Variants in EP400 observed in about 807,000 individuals in gnomAD.
EP400 encodes E1A-binding protein p400.
Under a neutral mutation model 354.1 loss-of-function variants are expected in EP400, and 105 were observed. The observed-to-expected ratio is 0.30, with a 90% CI of 0.25 to 0.35. The LOEUF (loss-of-function observed/expected upper bound fraction) is 0.35, where lower values mean the gene tolerates loss of function less well. EP400 is among the 10% of genes least tolerant of loss of function. EP400 has a pLI of 1.00. For synonymous variants in EP400, 1,646 were observed against 1,716.9 expected (o/e 0.96, Z 1.02); for missense variants, 3,280 against 4,121.0 (o/e 0.80, Z 5.59).
rs2136467365 is a variant in EP400 at position 131,962,286 on chromosome 12, T to C, written c.1335+332T>C. The stretch of plus-strand genomic sequence containing the variant: ...CAAGCGTGTCCAGTTTTTTTCCCCT[T>C]GTATCTGGGTGTGTGGTTTGTTGGC... On this transcript the variant is annotated intron_variant, in intron 2 of 52. Transcript: ENST00000389561. Among the ~76,000 whole-genome samples the C allele has an allele frequency of 1.3e-5, 2 of 152,314 alleles. 1 individual carries two copies. The highest frequency in any genetic ancestry group is 4.1e-4 in the South Asian group (2 of 4,822).
At chr12:131,977,870 T>C (rs1892538199) in intron 2 of EP400, among the ~76,000 whole-genome samples, 1 of 152,216 alleles carries the variant, frequency 6.6e-6, no homozygotes, top group Non-Finnish European at 1.5e-5. Flanking sequence ...GGTGGCTGTG[T>C]GGTGGCCCTT....
intron 39 of EP400, among the ~76,000 whole-genome samples, chr12:132,048,394 A>G (rs1895181398): frequency 6.6e-6 from 1 of 152,222 alleles, no homozygotes; most frequent in Non-Finnish European, 1.5e-5. Context: ...TTCTTCTGCC[A>G]TGGCTTCGGC....
chr12:132,064,024 A>AC (rs61095317), intron 47 of EP400, among the ~76,000 whole-genome samples: 3,936 of 76,794 alleles, frequency 0.051, 221 homozygotes, highest in Admixed American at 0.13. Flanking sequence ...ACCACTGATG[A>AC]CCCCCCCCCG....
chr12:132,050,714 T>C lies in EP400; in HGVS notation c.7394+59T>C. The stretch of plus-strand genomic sequence containing the variant: ...TTGGAAGGATTTCATTCCAGTGTCA[T>C]CTAAGTTCAGTGAGTTCAGCAAATC... On this transcript the variant is annotated intron_variant, in intron 41 of 52. Coordinates refer to ENST00000389561, the MANE Select transcript of EP400 (RefSeq NM_015409.5). The surrounding 1 kb of genome is among the most constrained non-coding windows in gnomAD (Gnocchi z 4.8). 6.2e-7 allele frequency: 1 copy of C among 1,603,408 alleles called. No individual in the cohort carries two copies. The highest frequency in any genetic ancestry group is 8.5e-7 in the Non-Finnish European group (1 of 1,170,624).
rs534528271 is a variant in EP400 at position 131,989,426 on chromosome 12, G to A, written c.2410-538G>A. Among the ~76,000 whole-genome samples, 22 of 152,348 alleles carry A rather than the reference G, an allele frequency of 1.4e-4. No individual in the cohort carries two copies. In the South Asian group the frequency reaches 3.5e-3, roughly 24 times the overall value. ...GTGCATTTCCATCCCTAGAACGGGC[G>A]TGGGGGTGACAGCCATTGTGCTCTC... On this transcript the variant is annotated intron_variant, in intron 7 of 52. Transcript: ENST00000389561.
In EP400 at chr12:132,032,141, C is replaced by T. The variant is rs768335217; in HGVS notation, c.5943C>T (p.His1981=). 20 of 1,612,996 alleles carry T rather than the reference C, an allele frequency of 1.2e-5. No homozygotes were observed. In the Admixed American group the frequency reaches 3.3e-4, roughly 27 times the overall value. ...CDRIGRCKDI[H]IYRLVSGNSI... is the part of the protein sequence containing the mutation. ...GGATCGGGAGATGCAAAGACATCCA[C>T]ATATACAGGTGAGGGCCTGCGGGGG... The change falls in exon 30 of 53, where the codon CAC becomes CAT. Residue 1981 remains histidine, a synonymous_variant. Coordinates refer to ENST00000389561, the MANE Select transcript of EP400 (RefSeq NM_015409.5).
At chr12:132,041,352 AGC>A (rs1343251243) in intron 32 of EP400, among the ~76,000 whole-genome samples, 3 of 152,258 alleles carry the variant, frequency 2.0e-5, no homozygotes, top group Non-Finnish European at 2.9e-5. Context: ...AGCACCTGGT[AGC>A]CAGCATCTGG....
chr12:131,955,231 T>C (rs934637857), intron 1 of EP400, among the ~76,000 whole-genome samples: 1 of 152,220 alleles, frequency 6.6e-6, no homozygotes, highest in Non-Finnish European at 1.5e-5. Flanking sequence ...ATAACATCAC[T>C]GAGGTCAGGA....
intron 5 of EP400, among the ~76,000 whole-genome samples, chr12:131,985,402 G>A (rs1003809760): frequency 6.6e-6 from 1 of 152,224 alleles, no homozygotes; most frequent in Non-Finnish European, 1.5e-5. Flanking sequence ...CGGCGCTGCC[G>A]AGGTGAAGAA....
intron 5 of EP400, among the ~76,000 whole-genome samples, chr12:131,984,246 C>T (rs375445639): frequency 5.3e-5 from 8 of 152,104 alleles, no homozygotes; most frequent in Admixed American, 1.3e-4. Context: ...AAGTATATAA[C>T]GATGAAATAA....
chr12:131,962,549 A>G (rs774460827), intron 2 of EP400, among the ~76,000 whole-genome samples: 1 of 152,238 alleles, frequency 6.6e-6, no homozygotes, highest in Non-Finnish European at 1.5e-5. Flanking sequence ...GAAGTTATTC[A>G]ATTTTTAGAT....
chr12:131,983,447 G>A (rs550433452), intron 5 of EP400, among the ~76,000 whole-genome samples: 1 of 152,310 alleles, frequency 6.6e-6, no homozygotes, highest in South Asian at 2.1e-4. Flanking sequence ...GTGTTTTTGG[G>A]ATGTCCACAG....
In EP400 at chr12:131,994,526, C is replaced by T. The variant is rs1214234856; in HGVS notation, c.2738-341C>T. 6.6e-6 allele frequency among the ~76,000 whole-genome samples: 1 copy of T among 151,838 alleles called. No individual in the cohort carries two copies. Among genetic ancestry groups the T allele is most frequent in the Non-Finnish European group, 1.5e-5 (1 of 67,972 alleles). ...ATGTGGCTGGGCCTCGTGAGATGGG[C>T]GATGATGACTTCACGGTGATCCCAG... On this transcript the variant is annotated intron_variant, in intron 11 of 52. Coordinates refer to ENST00000389561, the MANE Select transcript of EP400 (RefSeq NM_015409.5). This position sits in a 1 kb window ranked among gnomAD's most constrained non-coding sequence, Gnocchi z 4.6.
In EP400 at chr12:131,960,707, G is replaced by GGGGCCCCCCCC; in HGVS notation, c.88_89insGGGCCCCCCCC (p.Ala30GlyfsTer36). 2 of 1,545,586 alleles carry GGGGCCCCCCCC rather than the reference G, an allele frequency of 1.3e-6. No individual in the cohort carries two copies. Among genetic ancestry groups the GGGGCCCCCCCC allele is most frequent in the Non-Finnish European group, 1.7e-6 (2 of 1,146,244 alleles). On this transcript the variant is annotated frameshift_variant, in exon 2 of 53. Coordinates refer to ENST00000389561, the MANE Select transcript of EP400 (RefSeq NM_015409.5). LOFTEE classifies it high-confidence loss of function. ...TGGCAGCGAGGGTGAGGAGCAGCCG[G>GGGGCCCCCCCC]CCCACCCCAACCCACCCCCGTCCCC...
chr12:132,057,542 G>T (rs1895554130), intron 45 of EP400, among the ~76,000 whole-genome samples: 2 of 152,210 alleles, frequency 1.3e-5, no homozygotes, highest in South Asian at 2.1e-4. Flanking sequence ...GTAGCTACGT[G>T]ATGATAATGT....
At position 131,982,161 on chromosome 12, in the gene EP400, C is replaced by G. The variant is rs766778770; in HGVS notation, c.1612C>G (p.Pro538Ala). 11 of 1,603,304 alleles carry G rather than the reference C, an allele frequency of 6.9e-6. No individual in the cohort carries two copies. Among genetic ancestry groups the G allele is most frequent in the African/African-American group, 1.3e-5 (1 of 74,738 alleles). The change falls in exon 5 of 53, where the codon CCC (proline) becomes GCC (alanine). Residue 538 changes from proline (P) to alanine (A), a missense_variant. Physicochemically the swap from Pro to Ala is conservative, Grantham distance 27 (BLOSUM62 -1). This residue lies in a region of EP400 where 800 missense variants were observed against 840.0 expected (regional missense o/e 0.95). Transcript: ENST00000389561. ...GQRQSQQQYD[P>A]STGPPVQNAA... ...GAGGCAGAGTCAGCAGCAGTATGAC[C>G]CCTCCACGGGGCCTCCCGTGCAGAA...
intron 12 of EP400, among the ~76,000 whole-genome samples, chr12:131,995,773 C>CA (rs1593334082): frequency 7.9e-6 from 1 of 126,956 alleles, no homozygotes; most frequent in East Asian, 2.0e-4. Context: ...CTGAATGTAC[C>CA]GTTCATCTTG....
At chr12:131,986,872 T>G in intron 6 of EP400, 65 bp downstream of exon 6, 1 of 1,521,724 alleles carries the variant, frequency 6.6e-7, no homozygotes, top group Non-Finnish European at 8.9e-7. Context: ...GTTTTAATTG[T>G]CAAGAATGTG....
rs114820075 is a variant in EP400, at chr12:132,059,339, G to A, written c.7885-2771G>A. 8.9e-3 allele frequency among the ~76,000 whole-genome samples: 1,361 copies of A among 152,210 alleles called. 12 individuals are homozygous for A. The highest frequency in any genetic ancestry group is 0.032 in the African/African-American group (1,310 of 41,524). On this transcript the variant is annotated intron_variant, in intron 45 of 52. Coordinates refer to ENST00000389561, the MANE Select transcript of EP400 (RefSeq NM_015409.5). ...GCCTTCAGGGGTCAAAAGAAGAGTA[G>A]CCCTTGGATTGAGTAGTGGAGCATG...
Sources: gnomAD v4.1 joint callset for allele counts (sites outside exome capture counted in the v4.1 genomes callset) on GRCh38, gnomAD v4.1.1 for gene constraint, gnomAD v4.1.1 regional missense constraint, Gnocchi (gnomAD v3.1) non-coding constraint, MANE v1.5 for transcripts, NCBI Gene and HGNC (gene_info 2026-07-23, HGNC 2026-07-21) for gene names.